TRIP12: variants seen among roughly 807,000 people sequenced by gnomAD.
TRIP12 encodes the protein thyroid hormone receptor interactor 12.
A neutral mutation model predicts 244.2 loss-of-function variants in TRIP12; 25 were observed. That is an observed-to-expected ratio of 0.10 (90% CI 0.07 to 0.14). The LOEUF is 0.14. Ranked by LOEUF, TRIP12 falls within the 10% of genes least tolerant of loss-of-function variation. TRIP12 has a pLI of 1.00. For missense variants in TRIP12, 1,677 were observed against 2,486.4 expected, an observed-to-expected ratio of 0.67 and a Z score of 6.92; for synonymous variants, 905 against 873.1, an observed-to-expected ratio of 1.04 and a Z score of -0.64.
intron 39 of TRIP12, among the ~76,000 whole-genome samples, chr2:229,769,796 G>C (rs1349385913): frequency 1.3e-5 from 2 of 152,150 alleles, no homozygotes; most frequent in African/African-American, 4.8e-5. Flanking sequence ...CAAATGGGTA[G>C]GTCTTTACAC....
At chr2:229,805,017 T>C (rs1040635570) in intron 18 of TRIP12, among the ~76,000 whole-genome samples, 1 of 152,186 alleles carries the variant, frequency 6.6e-6, no homozygotes, top group Non-Finnish European at 1.5e-5. Flanking sequence ...GCCATTCCTC[T>C]GCCTCAGCCT....
At chr2:229,850,801 C>CCA (rs1426955742) in intron 4 of TRIP12, among the ~76,000 whole-genome samples, 2 of 152,244 alleles carry the variant, frequency 1.3e-5, no homozygotes, top group African/African-American at 2.4e-5. Flanking sequence ...TTGGCGGGCC[C>CCA]CACACTCGGA....
chr2:229,812,051 G>A (rs186559661), intron 13 of TRIP12, among the ~76,000 whole-genome samples: 1 of 152,042 alleles, frequency 6.6e-6, no homozygotes, highest in Non-Finnish European at 1.5e-5. Flanking sequence ...CACGCTTTTA[G>A]ACTACAGAAA....
At chr2:229,773,727 G>C (rs546186342) in intron 38 of TRIP12, 1 of 170,472 alleles carries the variant, frequency 5.9e-6, no homozygotes, top group Admixed American at 5.7e-5. Flanking sequence ...AAACATAAAA[G>C]TGTGCACTGC....
chr2:229,774,897 A>G (rs1236449403), intron 37 of TRIP12, among the ~76,000 whole-genome samples: 1 of 152,168 alleles, frequency 6.6e-6, no homozygotes, highest in Non-Finnish European at 1.5e-5. Flanking sequence ...GACAAACGTT[A>G]AGAAGTCTTT....
At chr2:229,878,067 G>T (rs2063965264) in intron 2 of TRIP12, among the ~76,000 whole-genome samples, 1 of 152,178 alleles carries the variant, frequency 6.6e-6, no homozygotes, top group African/African-American at 2.4e-5. Context: ...ATAATCCTAT[G>T]AAATAGCTAT....
chr2:229,776,073 G>T (rs1210435157), intron 37 of TRIP12, among the ~76,000 whole-genome samples: 2 of 152,084 alleles, frequency 1.3e-5, no homozygotes, highest in African/African-American at 4.8e-5. Flanking sequence ...AGACAGCCTG[G>T]GTTTGAGTTC....
chr2:229,792,862 C>G, intron 27 of TRIP12, 111 bp downstream of exon 27: 1 of 1,150,598 alleles, frequency 8.7e-7, no homozygotes, highest in Non-Finnish European at 1.2e-6. Flanking sequence ...TTCCTGCCAT[C>G]TATTTTTTAA....
At position 229,889,187 on chromosome 2, in the gene TRIP12, G is replaced by C. The variant is rs141756869; in HGVS notation, c.-49-9059C>G. 2.9e-3 allele frequency among the ~76,000 whole-genome samples: 448 copies of C among 152,342 alleles called. 2 individuals carry two copies. The highest frequency in any genetic ancestry group is 0.01 in the African/African-American group (428 of 41,586). On this transcript the variant is annotated intron_variant, in intron 1 of 41. Coordinates refer to ENST00000675903, the MANE Select transcript of TRIP12 (RefSeq NM_001348323.3). ...AGGCATGAGAAGATGACAACTCCAA[G>C]TAAGGAAGTACGTGCCTAACTTGTT...
Position 229,778,789 on chromosome 2 carries a change from T to C in TRIP12, c.5209+87A>G. On this transcript the variant is annotated intron_variant, in intron 35 of 41. Transcript: ENST00000675903. The surrounding 1 kb of genome is among the most constrained non-coding windows in gnomAD (Gnocchi z 4.1). ...AAAAGAAAGCAAGTACAGCTGTCCA[T>C]TAGAAATTAAATATGTCTAATAAAC... The C allele has an allele frequency of 1.4e-6, 2 of 1,403,072 alleles. No homozygotes were observed. Among genetic ancestry groups the C allele is most frequent in the Non-Finnish European group, 2.0e-6 (2 of 1,006,364 alleles). 86.9% of individuals were successfully genotyped at this position (1,403,072 alleles called of 1,614,324 possible).
intron 8 of TRIP12, among the ~76,000 whole-genome samples, chr2:229,827,525 C>G (rs1034230746): frequency 6.6e-6 from 1 of 151,966 alleles, no homozygotes; most frequent in Non-Finnish European, 1.5e-5. Context: ...GACACAAACA[C>G]GAACATTAAC....
At chr2:229,922,089 C>T (rs1380466821), upstream of TRIP12, 1 of 163,052 alleles carries the variant, frequency 6.1e-6, no homozygotes, top group East Asian at 1.8e-4. Context: ...ACTTTGTCCT[C>T]GGGCTCCGGT....
chr2:229,851,112 C>T (rs564428867), intron 4 of TRIP12, among the ~76,000 whole-genome samples: 17 of 152,306 alleles, frequency 1.1e-4, no homozygotes, highest in Non-Finnish European at 2.2e-4. Context: ...GCACATGGCG[C>T]GGGACCGGCA....
intron 34 of TRIP12, among the ~76,000 whole-genome samples, chr2:229,784,513 G>GAAAAAAAAAA (rs796545176): frequency 1.7e-5 from 1 of 57,820 alleles, no homozygotes; most frequent in Non-Finnish European, 3.4e-5. Flanking sequence ...GCACAAACAA[G>GAAAAAAAAAA]AAAAAAAAAA....
chr2:229,919,586 T>C (rs896018007), intron 1 of TRIP12, among the ~76,000 whole-genome samples: 4 of 152,054 alleles, frequency 2.6e-5, no homozygotes, highest in Admixed American at 6.5e-5. Flanking sequence ...ACTGCCAAAA[T>C]TGTTCTCAAA....
At chr2:229,831,361 A>T (rs900084475) in intron 6 of TRIP12, among the ~76,000 whole-genome samples, 4 of 152,232 alleles carry the variant, frequency 2.6e-5, no homozygotes, top group Non-Finnish European at 5.9e-5. Flanking sequence ...AGATATTACA[A>T]CTAACAGATG....
chr2:229,888,660 G>A (rs981346698), intron 1 of TRIP12, among the ~76,000 whole-genome samples: 4 of 152,066 alleles, frequency 2.6e-5, no homozygotes, highest in African/African-American at 4.8e-5. Context: ...AAAAATTAGC[G>A]AGGGCGTGGT....
intron 39 of TRIP12, among the ~76,000 whole-genome samples, chr2:229,771,317 G>A (rs994139071): frequency 5.3e-5 from 8 of 152,186 alleles, no homozygotes; most frequent in Admixed American, 2.6e-4. Context: ...CGTGGAACCC[G>A]CTCCCCAATC....
rs1309706174 is a variant in TRIP12 at position 229,842,570 on chromosome 2, T to C, written c.1028-1643A>G. ...GAAAAAAATGCAAATTTACATTATA[T>C]TAAAACACACCAAAAAACAGTGTTT... On this transcript the variant is annotated intron_variant, in intron 4 of 41. Transcript: ENST00000675903. Among the ~76,000 whole-genome samples the C allele has an allele frequency of 8.5e-5, 13 of 152,132 alleles. 1 individual carries two copies. Among genetic ancestry groups the C allele is most frequent in the Admixed American group, 8.5e-4 (13 of 15,264 alleles).
Sources: allele counts gnomAD v4.1 joint callset (sites outside exome capture counted in the v4.1 genomes callset), GRCh38; gene constraint gnomAD v4.1.1; non-coding constraint Gnocchi (gnomAD v3.1); transcripts MANE v1.5; gene names NCBI Gene and HGNC (gene_info 2026-07-23, HGNC 2026-07-21).